TF: variants seen among roughly 807,000 people sequenced by gnomAD.
TF encodes transferrin.
In TF, 55 loss-of-function variants were observed where a neutral mutation model predicts 82.4. The observed-to-expected ratio is 0.67, with a 90% confidence interval of 0.54 to 0.84. The LOEUF (loss-of-function observed/expected upper bound fraction) is 0.84. TF is among the 40% of genes least tolerant of loss of function. The probability of loss-of-function intolerance (pLI) is 0.00; values close to 1 mark genes in which losing one functional copy is unlikely to be tolerated. For synonymous variants in TF, 332 were observed against 332.6 expected (o/e 1.00, Z 0.02); for missense variants, 737 against 868.4 (o/e 0.85, Z 1.90).
chr3:133,680,359 C>A, the TF span, among the ~76,000 whole-genome samples: 1 of 151,960 alleles, frequency 6.6e-6, no homozygotes, highest in Non-Finnish European at 1.5e-5. Flanking sequence ...GCACATGCCA[C>A]CACACCTAAC....
chr3:133,746,141 A>G (rs1298242646), upstream of TF: 2 of 506,802 alleles, frequency 3.9e-6, no homozygotes, highest in African/African-American at 3.9e-5. Context: ...CCTGGCACCG[A>G]GCGAGCCGCG....
intron 6 of TF, 42 bp from the exon 7 acceptor site, chr3:133,756,789 T>C (rs748923096): frequency 1.6e-5 from 25 of 1,612,162 alleles, no homozygotes; most frequent in Non-Finnish European, 2.0e-5. Context: ...CCACAGCCCA[T>C]GGCTCTCCTG....
rs1186819796 is a variant in TF, at chr3:133,759,339, TC to T, written c.1203+12del. ...CATCGCCAAGATCATGGTATGTCAC[TC>T]CAGCCTTCCTAGGGCAGCGTCCCTG... On this transcript the variant is annotated intron_variant, in intron 9 of 16. Transcript: ENST00000402696. 8.1e-6 allele frequency: 13 copies of T among 1,612,960 alleles called. No individual in the cohort carries two copies. In the African/African-American group the frequency reaches 1.2e-4, roughly 15 times the overall value.
At chr3:133,722,848 T>G in the TF span, among the ~76,000 whole-genome samples, 63,678 of 151,642 alleles carry the variant, frequency 0.42, 14,602 homozygotes, top group African/African-American at 0.61. Flanking sequence ...TTTGATTTAT[T>G]TAATTACTTC....
At chr3:133,763,141 A>G (rs1453885594) in intron 9 of TF, among the ~76,000 whole-genome samples, 1 of 152,204 alleles carries the variant, frequency 6.6e-6, no homozygotes, top group Non-Finnish European at 1.5e-5. Flanking sequence ...TCAAGTTTCT[A>G]AACATGACCT....
the TF span, among the ~76,000 whole-genome samples, chr3:133,671,680 C>T: frequency 6.6e-6 from 1 of 151,662 alleles, no homozygotes; most frequent in Non-Finnish European, 1.5e-5. Context: ...GTAATCCCAG[C>T]TACTCAGGAG....
At position 133,789,774 on chromosome 3, in the gene TF, G is replaced by C. The variant is rs1010977863; in HGVS notation, c.*11154G>C. ...TTCAGAATTGTCAGCATATATTTTT[G>C]TCTGGGTTTTATATTTGTCTCTGCT... On this transcript the variant is annotated 3_prime_UTR_variant, in exon 17 of 17. Transcript: ENST00000402696. 1.3e-5 allele frequency: 2 copies of C among 150,692 alleles called. No individual in the cohort carries two copies. Among genetic ancestry groups the C allele is most frequent in the African/African-American group, 4.9e-5 (2 of 40,782 alleles). The allele number at this position is 150,692 out of a possible 1,614,324, so 9.3% of individuals were successfully genotyped here.
At chr3:133,758,718 T>G (rs1156696245) in intron 8 of TF, among the ~76,000 whole-genome samples, 2 of 152,214 alleles carry the variant, frequency 1.3e-5, no homozygotes, top group Non-Finnish European at 2.9e-5. Flanking sequence ...GTACATTTAT[T>G]CATCAGACAT....
the TF span, among the ~76,000 whole-genome samples, chr3:133,703,873 C>T: frequency 1.3e-5 from 2 of 152,136 alleles, no homozygotes; most frequent in South Asian, 4.2e-4. Flanking sequence ...AAACATATCC[C>T]ATAGAAACAG....
the TF span, among the ~76,000 whole-genome samples, chr3:133,677,583 A>G: frequency 2.6e-5 from 4 of 152,172 alleles, no homozygotes; most frequent in African/African-American, 9.7e-5. Context: ...GTTTCAGTTG[A>G]GTCAAGATTG....
chr3:133,718,054 G>A, the TF span, among the ~76,000 whole-genome samples: 1 of 152,010 alleles, frequency 6.6e-6, no homozygotes, highest in East Asian at 1.9e-4. Flanking sequence ...AGTCCTGGAC[G>A]CTGGATGGGC....
chr3:133,681,199 T>C, the TF span, among the ~76,000 whole-genome samples: 1 of 152,220 alleles, frequency 6.6e-6, no homozygotes, highest in African/African-American at 2.4e-5. Context: ...TCACCGAAGT[T>C]AAGATACTGA....
chr3:133,746,473 C>T lies in TF; in HGVS notation c.33C>T (p.Cys11=), dbSNP rs764979792. 12 of 1,599,036 alleles carry T rather than the reference C, an allele frequency of 7.5e-6. No individual in the cohort carries two copies. Among genetic ancestry groups the T allele is most frequent in the Non-Finnish European group, 1.0e-5 (12 of 1,177,034 alleles). Residue 11 remains cysteine, a synonymous_variant, in exon 1 of 17, where the codon TGC becomes TGT. Transcript: ENST00000402696. ...TCGCCGTGGGAGCCCTGCTGGTCTG[C>T]GCCGTCCTGGGTGAGTGCGGGCACG... is the stretch of plus-strand genomic sequence containing the variant. MRLAVGALLV[C]AVLGLCLAVP...
chr3:133,669,731 A>G, the TF span, among the ~76,000 whole-genome samples: 1 of 151,928 alleles, frequency 6.6e-6, no homozygotes, highest in African/African-American at 2.4e-5. Flanking sequence ...TGAACTCCCC[A>G]CTCCCACCCT....
the TF span, among the ~76,000 whole-genome samples, chr3:133,673,932 C>T: frequency 6.6e-6 from 1 of 152,108 alleles, no homozygotes; most frequent in Non-Finnish European, 1.5e-5. Context: ...GAGGAGAGGC[C>T]GCCCTCTCTG....
Position 133,792,727 on chromosome 3 carries a change from TTC to T in TF, c.*14109_*14110del, listed in dbSNP as rs1934871874. On this transcript the variant is annotated 3_prime_UTR_variant, in exon 17 of 17. Transcript: ENST00000402696. ...AAGGCATGGGAATGTAGATTTTTTTTTCTGTCTAAAGGGTTAAAGGATTGTTT... is the reference window on the plus strand; with the variant it reads ...AAGGCATGGGAATGTAGATTTTTTTTTGTCTAAAGGGTTAAAGGATTGTTT... 6.6e-6 allele frequency: 1 copy of T among 152,190 alleles called. No homozygotes were observed. The highest frequency in any genetic ancestry group is 2.4e-5 in the African/African-American group (1 of 41,446). 9.4% of individuals were successfully genotyped at this position (152,190 alleles called of 1,614,324 possible). A position where few individuals can be genotyped will look rare whatever the true frequency, so the allele number is the denominator to read the frequency against.
chr3:133,674,354 C>T, the TF span, among the ~76,000 whole-genome samples: 4 of 152,220 alleles, frequency 2.6e-5, no homozygotes, highest in African/African-American at 4.8e-5. Context: ...CTGCCCCCTT[C>T]CCCGAAGTGC....
At chr3:133,719,241 G>C in the TF span, among the ~76,000 whole-genome samples, 2 of 152,166 alleles carry the variant, frequency 1.3e-5, no homozygotes, top group Non-Finnish European at 2.9e-5. Context: ...CCGATATTGT[G>C]AGTTTGGATC....
At chr3:133,705,933 G>A in the TF span, among the ~76,000 whole-genome samples, 2 of 152,174 alleles carry the variant, frequency 1.3e-5, no homozygotes, top group South Asian at 4.1e-4. Flanking sequence ...TATTTGCAGG[G>A]CACTTTATAG....
Sources: gnomAD v4.1 joint callset for allele counts (sites outside exome capture counted in the v4.1 genomes callset) on GRCh38, gnomAD v4.1.1 for gene constraint, MANE v1.5 for transcripts, NCBI Gene and HGNC (gene_info 2026-07-23, HGNC 2026-07-21) for gene names.